Variants in HDAC9 observed in about 807,000 individuals in gnomAD.
HDAC9 encodes histone deacetylase 9, also known as MEF-2 interacting transcription repressor (MITR) protein.
A neutral mutation model predicts 139.4 loss-of-function variants in HDAC9; 41 were observed. That is an observed-to-expected ratio of 0.29 (90% CI 0.23 to 0.38). The LOEUF is 0.38. Among genes scored for constraint, HDAC9 ranks in the 10% least tolerant of loss-of-function variants. The pLI, the probability that HDAC9 is intolerant of heterozygous loss-of-function variation, is 1.00. For missense variants in HDAC9, 1,147 were observed against 1,297.0 expected, an observed-to-expected ratio of 0.88 and a Z score of 1.78; for synonymous variants, 517 against 476.2, an observed-to-expected ratio of 1.09 and a Z score of -1.12.
chr7:18,108,167 G>A (rs1207057678), intron 1 of HDAC9, among the ~76,000 whole-genome samples: 6 of 152,114 alleles, frequency 3.9e-5, no homozygotes, highest in African/African-American at 1.4e-4. Flanking sequence ...GGCTCTTCTA[G>A]GGGGTGTTAA....
At chr7:18,238,116 T>C (rs1229417480) in intron 2 of HDAC9, among the ~76,000 whole-genome samples, 2 of 152,232 alleles carry the variant, frequency 1.3e-5, no homozygotes, top group African/African-American at 4.8e-5. Context: ...TAATTAACTT[T>C]TAATAATAAA....
At chr7:18,176,290 C>A (rs374306545) in intron 2 of HDAC9, among the ~76,000 whole-genome samples, 4 of 152,056 alleles carry the variant, frequency 2.6e-5, no homozygotes, top group Non-Finnish European at 5.9e-5. Context: ...TTCTGAAGAT[C>A]CAGGAATGCC....
intron 16 of HDAC9, among the ~76,000 whole-genome samples, chr7:18,770,381 C>A (rs1790183844): frequency 1.3e-5 from 2 of 152,116 alleles, no homozygotes; most frequent in Admixed American, 1.3e-4. Flanking sequence ...AATTAAGGGA[C>A]TCTGGAAACA....
intron 1 of HDAC9, among the ~76,000 whole-genome samples, chr7:18,403,447 T>G (rs934567702): frequency 5.9e-5 from 9 of 152,184 alleles, no homozygotes; most frequent in Non-Finnish European, 1.0e-4. Context: ...CGAAACACGC[T>G]GTTGCACTTG....
intron 2 of HDAC9, among the ~76,000 whole-genome samples, chr7:18,563,364 A>G (rs1821194518): frequency 6.6e-6 from 1 of 152,144 alleles, no homozygotes; most frequent in South Asian, 2.1e-4. Flanking sequence ...CATTTGAAAT[A>G]TAAAATATAT....
At chr7:18,421,395 G>A (rs1226669224) in intron 1 of HDAC9, among the ~76,000 whole-genome samples, 1 of 149,692 alleles carries the variant, frequency 6.7e-6, no homozygotes, top group Non-Finnish European at 1.5e-5. Context: ...GAGAAAGGGA[G>A]GGAGGGAAGA....
chr7:18,232,215 A>G (rs555678498), intron 2 of HDAC9, among the ~76,000 whole-genome samples: 1 of 152,226 alleles, frequency 6.6e-6, no homozygotes, highest in Admixed American at 6.5e-5. Flanking sequence ...CCTTCCCTCA[A>G]TATGTGTTGA....
intron 2 of HDAC9, among the ~76,000 whole-genome samples, chr7:18,183,118 T>A (rs966091442): frequency 2.0e-4 from 31 of 152,114 alleles, no homozygotes; most frequent in African/African-American, 7.2e-4. Context: ...CACGCCATTC[T>A]CCTGCCTCAG....
intron 13 of HDAC9, among the ~76,000 whole-genome samples, chr7:18,730,143 G>A (rs1785918166): frequency 6.6e-6 from 1 of 152,102 alleles, no homozygotes. Flanking sequence ...CTTCTCCACT[G>A]GCATTGGGAT....
intron 2 of HDAC9, among the ~76,000 whole-genome samples, chr7:18,513,034 CTG>C (rs1404072669): frequency 5.9e-5 from 9 of 152,284 alleles, no homozygotes; most frequent in Admixed American, 2.0e-4. Context: ...AGAGGACAAA[CTG>C]TTAATTAAAT....
chr7:18,586,871 A>G (rs750529039), intron 3 of HDAC9, among the ~76,000 whole-genome samples: 41 of 152,104 alleles, frequency 2.7e-4, no homozygotes, highest in Admixed American at 2.0e-4. Context: ...TTTAGTTTTT[A>G]GACTTATTTT....
intron 21 of HDAC9, among the ~76,000 whole-genome samples, chr7:18,869,840 C>T (rs1032999400): frequency 6.6e-6 from 1 of 151,600 alleles, no homozygotes; most frequent in African/African-American, 2.4e-5. Context: ...TCTGTGGTCC[C>T]ATGAACGCAT....
At position 18,885,701 on chromosome 7, in the gene HDAC9, T is replaced by C. The variant is rs1227205534; in HGVS notation, c.2803+11105T>C. Among the ~76,000 whole-genome samples, 4 of 152,350 alleles carry C rather than the reference T, an allele frequency of 2.6e-5. No homozygotes were observed. The East Asian group carries it at 7.7e-4, about 29-fold the overall frequency. ...AAATATGTACGCACTTTTTAATTAC[T>C]ATAGAAGCTTCTCTGAATTGTGAAA... On this transcript the variant is annotated intron_variant, in intron 22 of 25. Transcript: ENST00000686413.
At chr7:18,878,986 A>G (rs1024904048) in intron 22 of HDAC9, among the ~76,000 whole-genome samples, 2 of 152,172 alleles carry the variant, frequency 1.3e-5, no homozygotes, top group Admixed American at 1.3e-4. Context: ...TTAATGCACA[A>G]AAGTCAGTAG....
intron 2 of HDAC9, among the ~76,000 whole-genome samples, chr7:18,577,654 A>T (rs1826406115): frequency 6.6e-6 from 1 of 152,094 alleles, no homozygotes; most frequent in Non-Finnish European, 1.5e-5. Flanking sequence ...TTTCCATTGT[A>T]TTTAGCAGAG....
At chr7:18,898,853 T>C (rs1363065905) in intron 22 of HDAC9, among the ~76,000 whole-genome samples, 1 of 151,984 alleles carries the variant, frequency 6.6e-6, no homozygotes, top group African/African-American at 2.4e-5. Context: ...AGAGGTCCAA[T>C]ATTTTGAGGA....
At chr7:18,159,482 G>T (rs1787466112) in intron 1 of HDAC9, among the ~76,000 whole-genome samples, 1 of 152,132 alleles carries the variant, frequency 6.6e-6, no homozygotes, top group African/African-American at 2.4e-5. Context: ...AACTTAAAGT[G>T]GTCTTAATTT....
In HDAC9 at chr7:18,167,643, A is replaced by G. The variant is rs546832139; in HGVS notation, c.25+5294A>G. 9.2e-5 allele frequency among the ~76,000 whole-genome samples: 14 copies of G among 152,308 alleles called. No individual in the cohort carries two copies. In the South Asian group the frequency reaches 2.9e-3, roughly 32 times the overall value. On this transcript the variant is annotated intron_variant, in intron 2 of 12. Transcript: ENST00000417496. ...TTCATGTATTCTAAGGTCATTGTGC[A>G]TCTCCGCATCAAGCTGGTGGGAGGG...
intron 2 of HDAC9, among the ~76,000 whole-genome samples, chr7:18,235,519 C>T (rs536747240): frequency 9.2e-5 from 14 of 152,010 alleles, no homozygotes; most frequent in Non-Finnish European, 1.5e-4. Flanking sequence ...AGTGAGTGAC[C>T]GGCAGTATTA....
Sources: allele counts gnomAD v4.1 joint callset (sites outside exome capture counted in the v4.1 genomes callset), GRCh38; gene constraint gnomAD v4.1.1; transcripts MANE v1.5; gene names NCBI Gene and HGNC (gene_info 2026-07-23, HGNC 2026-07-21).